CNN2: variants seen among roughly 807,000 people sequenced by gnomAD.
CNN2 encodes the protein calponin 2, also known as calponin-2.
In CNN2, 21 loss-of-function variants were observed where a neutral mutation model predicts 31.0. The observed-to-expected ratio is 0.68, with a 90% CI of 0.48 to 0.98. CNN2 has a LOEUF of 0.98. CNN2 is among the 50% of genes least tolerant of loss of function. The pLI is 0.00. For synonymous variants in CNN2, 165 were observed against 179.6 expected (o/e 0.92, Z 0.65); for missense variants, 399 against 427.3 (o/e 0.93, Z 0.58).
intron 1 of CNN2, among the ~76,000 whole-genome samples, chr19:1,029,660 A>G (rs987892271): frequency 6.6e-6 from 1 of 151,974 alleles, no homozygotes; most frequent in East Asian, 1.9e-4. Flanking sequence ...AGATGGGTGC[A>G]GAGCAGGGAG....
chr19:1,037,584 T>C (rs1479612911), intron 6 of CNN2, 41 bp from the exon 7 acceptor site: 2 of 1,594,998 alleles, frequency 1.3e-6, no homozygotes, highest in South Asian at 2.2e-5. Context: ...GGTCCCCTCT[T>C]CTCTCCACCA....
At chr19:1,033,217 T>C (rs2039527982) in intron 4 of CNN2, among the ~76,000 whole-genome samples, 1 of 152,096 alleles carries the variant, frequency 6.6e-6, no homozygotes, top group South Asian at 2.1e-4. Flanking sequence ...CATTGTATTA[T>C]GCATTATATG....
intron 4 of CNN2, 81 bp from the exon 5 acceptor site, chr19:1,036,049 T>A (rs746381790): frequency 7.1e-5 from 106 of 1,487,152 alleles, no homozygotes; most frequent in Non-Finnish European, 8.8e-5. Context: ...CGCGGCCTGG[T>A]CTCTGTCCCG....
Position 1,038,119 on chromosome 19 carries a change from C to T in CNN2, c.*219C>T. ...TGGGCTGTGGGGGAAGGGGTCAAGG[C>T]CATATCCCAATACGTGTAGGGCGAG... On this transcript the variant is annotated 3_prime_UTR_variant, in exon 7 of 7. Transcript: ENST00000263097. The T allele has an allele frequency of 1.9e-6, 1 of 535,380 alleles. No individual in the cohort carries two copies. Among genetic ancestry groups the T allele is most frequent in the South Asian group, 2.9e-5 (1 of 34,782 alleles). 33.2% of individuals were successfully genotyped at this position (535,380 alleles called of 1,614,324 possible).
chr19:1,029,544 C>G (rs2039453650), intron 1 of CNN2, among the ~76,000 whole-genome samples: 1 of 142,966 alleles, frequency 7.0e-6, no homozygotes. Context: ...GACCCTAACC[C>G]AAATCATCCC....
intron 6 of CNN2, chr19:1,037,326 T>G (rs541050622): frequency 3.0e-6 from 1 of 328,548 alleles, no homozygotes; most frequent in African/African-American, 2.2e-5. Context: ...TTAGTAGATA[T>G]GGGGTTTCAC....
chr19:1,033,621 G>A lies in CNN2; in HGVS notation c.390+925G>A, dbSNP rs1004433870. Among the ~76,000 whole-genome samples the A allele has an allele frequency of 4.6e-5, 7 of 151,934 alleles. No homozygotes were observed. The South Asian group carries it at 6.2e-4, about 14-fold the overall frequency. Reference sequence around the variant, plus strand: ...CAAACCCAGACCGGGAGCGTGGGTGGGACAGTGGTGTAGACCGGGAGCGTG... The same window carrying A: ...CAAACCCAGACCGGGAGCGTGGGTGAGACAGTGGTGTAGACCGGGAGCGTG... On this transcript the variant is annotated intron_variant, in intron 4 of 6. Coordinates refer to ENST00000263097, the MANE Select transcript of CNN2 (RefSeq NM_004368.4).
rs910888393 is a variant in CNN2 at position 1,030,487 on chromosome 19, C to A, written c.64-584C>A. Among the ~76,000 whole-genome samples the A allele has an allele frequency of 2.6e-5, 4 of 152,102 alleles. No homozygotes were observed. The South Asian group carries it at 6.2e-4, about 24-fold the overall frequency. On this transcript the variant is annotated intron_variant, in intron 1 of 6. Coordinates refer to ENST00000263097, the MANE Select transcript of CNN2 (RefSeq NM_004368.4). The stretch of plus-strand genomic sequence containing the variant: ...TAAAAATACAAAAAATGAGCTGGGC[C>A]TGGTGGCGGGCGCCTGCAGTCCCAG...
At chr19:1,032,300 C>T (rs1220174304) in intron 2 of CNN2, 92 bp from the exon 3 acceptor site, 14 of 1,490,456 alleles carry the variant, frequency 9.4e-6, no homozygotes, top group African/African-American at 2.8e-5. Flanking sequence ...CCCAGGAAGG[C>T]GTGAGCTTGG....
At chr19:1,026,790 GC>G in intron 1 of CNN2, 66 bp downstream of exon 1, 12 of 1,444,014 alleles carry the variant, frequency 8.3e-6, no homozygotes, top group East Asian at 8.1e-5. Context: ...CGGTGCAGGA[GC>G]CCCCAGGCGC....
At chr19:1,031,663 G>A (rs2039500581) in intron 2 of CNN2, among the ~76,000 whole-genome samples, 1 of 148,476 alleles carries the variant, frequency 6.7e-6, no homozygotes, top group African/African-American at 2.5e-5. Context: ...TGCCCAAGCT[G>A]GAGTGCAGTG....
chr19:1,029,089 C>G lies in CNN2; in HGVS notation c.64-1982C>G, dbSNP rs1410361085. On this transcript the variant is annotated intron_variant, in intron 1 of 6. Transcript: ENST00000263097. Reference sequence around the variant, plus strand: ...CCCAAATCATCCCAGGCAGGTCCAGCTCAGGGGACCCTAACCCAAATCATC... The same window carrying G: ...CCCAAATCATCCCAGGCAGGTCCAGGTCAGGGGACCCTAACCCAAATCATC... Among the ~76,000 whole-genome samples, 815 of 130,274 alleles carry G rather than the reference C, an allele frequency of 6.3e-3. 14 individuals are homozygous for G. Among genetic ancestry groups the G allele is most frequent in the Admixed American group, 0.037 (462 of 12,406 alleles). The allele number at this position is 130,274 out of a possible 152,430, so 85.5% of individuals were successfully genotyped here. A position where few individuals can be genotyped will look rare whatever the true frequency, so the allele number is the denominator to read the frequency against.
chr19:1,036,073 G>A, intron 4 of CNN2, 57 bp from the exon 5 acceptor site: 1 of 1,528,728 alleles, frequency 6.5e-7, no homozygotes, highest in Non-Finnish European at 8.8e-7. Flanking sequence ...CCAGGGCCTA[G>A]ATCTAGGGTC....
At chr19:1,029,014 G>T (rs1186238137) in intron 1 of CNN2, among the ~76,000 whole-genome samples, 1 of 152,044 alleles carries the variant, frequency 6.6e-6, no homozygotes, top group Admixed American at 6.5e-5. Context: ...TCCAGGTCAG[G>T]GGACCCTATC....
Position 1,036,578 on chromosome 19 carries a change from G to T in CNN2, c.654+16G>T, listed in dbSNP as rs1016164182. 1 of 1,613,272 alleles carries T rather than the reference G, an allele frequency of 6.2e-7. No individual in the cohort carries two copies. The highest frequency in any genetic ancestry group is 1.7e-5 in the Admixed American group (1 of 59,978). The stretch of plus-strand genomic sequence containing the variant: ...TGCCAGCCAGGTGGGGCTCGCCCGG[G>T]TGCCCCCGACTCCTCTCCCTGCCCC... On this transcript the variant is annotated intron_variant, in intron 6 of 6. Transcript: ENST00000263097.
chr19:1,035,681 T>G (rs573601827), intron 4 of CNN2, among the ~76,000 whole-genome samples: 1 of 152,072 alleles, frequency 6.6e-6, no homozygotes, highest in Non-Finnish European at 1.5e-5. Flanking sequence ...CCAGCACTTT[T>G]GGAGGTTGAG....
chr19:1,031,262 A>G (rs2144619406), intron 2 of CNN2, 70 bp downstream of exon 2: 1 of 1,288,528 alleles, frequency 7.8e-7, no homozygotes. Flanking sequence ...TTTTTTCTTA[A>G]TTAAGAAATT....
chr19:1,026,842 G>A, intron 1 of CNN2, 118 bp downstream of exon 1: 5 of 991,100 alleles, frequency 5.0e-6, no homozygotes, highest in Non-Finnish European at 7.1e-6. Flanking sequence ...GACCCGGGGC[G>A]GACGGGCCCT....
At chr19:1,030,916 G>A in intron 1 of CNN2, 155 bp from the exon 2 acceptor site, 1 of 948,240 alleles carries the variant, frequency 1.1e-6, no homozygotes, top group Non-Finnish European at 1.6e-6. Context: ...ATGGGAAAAG[G>A]GAGCATCTGC....
Sources: gnomAD v4.1 joint callset for allele counts (sites outside exome capture counted in the v4.1 genomes callset) on GRCh38, gnomAD v4.1.1 for gene constraint, MANE v1.5 for transcripts, NCBI Gene and HGNC (gene_info 2026-07-23, HGNC 2026-07-21) for gene names.